The following ETV6 variants were observed in gnomAD, a reference collection of about 807,000 sequenced individuals.
ETV6 encodes ETS variant transcription factor 6.
A neutral mutation model predicts 51.1 loss-of-function variants in ETV6; 16 were observed. The ratio of observed to expected loss-of-function variants is 0.31; its 90% CI spans 0.21 to 0.48. The LOEUF (loss-of-function observed/expected upper bound fraction) is 0.48. Ranked by LOEUF, ETV6 falls within the 20% of genes least tolerant of loss-of-function variation. ETV6 has a pLI of 0.99. For missense variants in ETV6, 458 were observed against 594.8 expected, an observed-to-expected ratio of 0.77 and a Z score of 2.39; for synonymous variants, 240 against 224.1, an observed-to-expected ratio of 1.07 and a Z score of -0.64.
intron 2 of ETV6, among the ~76,000 whole-genome samples, chr12:11,804,228 C>T (rs1340281160): frequency 6.6e-6 from 1 of 152,164 alleles, no homozygotes; most frequent in Non-Finnish European, 1.5e-5. Context: ...CCAAGGAATT[C>T]ACACTAGCCA....
At position 11,891,038 on chromosome 12, in the gene ETV6, G is replaced by T; in HGVS notation, c.1351G>T (p.Glu451Ter). The T allele has an allele frequency of 6.2e-7, 1 of 1,612,702 alleles. No homozygotes were observed. Among genetic ancestry groups the T allele is most frequent in the Non-Finnish European group, 8.5e-7 (1 of 1,178,882 alleles). The change falls in exon 8 of 8, where the codon GAA becomes TAA. Residue 451 changes from glutamate to a stop codon, truncating the protein, a stop_gained. Coordinates refer to ENST00000396373, the MANE Select transcript of ETV6 (RefSeq NM_001987.5). LOFTEE classifies it high-confidence loss of function. Reference sequence around the variant, plus strand: ...GGATGAACAAATATACCAAGAAGATGAATGCTGAAGGAACCAACAGTCCAC... The same window carrying T: ...GGATGAACAAATATACCAAGAAGATTAATGCTGAAGGAACCAACAGTCCAC... ...ELDEQIYQED[E>*]C is the part of the protein sequence containing the mutation.
chr12:11,802,752 T>C (rs778677101), intron 2 of ETV6, among the ~76,000 whole-genome samples: 1 of 152,222 alleles, frequency 6.6e-6, no homozygotes. Context: ...AGATAATTAC[T>C]CCTAAATCAT....
At chr12:11,657,291 G>A (rs549052538) in intron 1 of ETV6, among the ~76,000 whole-genome samples, 1 of 152,302 alleles carries the variant, frequency 6.6e-6, no homozygotes, top group African/African-American at 2.4e-5. Context: ...CAGAATCAGT[G>A]TTCCATCCTA....
chr12:11,687,119 T>G (rs1021961691), intron 1 of ETV6, among the ~76,000 whole-genome samples: 2 of 152,022 alleles, frequency 1.3e-5, no homozygotes, highest in Non-Finnish European at 2.9e-5. Flanking sequence ...ACTCCTGACC[T>G]CAAATGATCT....
chr12:11,714,286 A>G (rs145940505), intron 1 of ETV6, among the ~76,000 whole-genome samples: 65 of 152,350 alleles, frequency 4.3e-4, no homozygotes, highest in African/African-American at 1.5e-3. Flanking sequence ...TTCTGGGCAC[A>G]GATATAACGG....
At chr12:11,796,779 T>G (rs76119502) in intron 2 of ETV6, among the ~76,000 whole-genome samples, 10,459 of 141,004 alleles carry the variant, frequency 0.074, 801 homozygotes, top group African/African-American at 0.19. Context: ...TTTTTTTTTT[T>G]TGTGTGTGTG....
At chr12:11,683,052 G>A (rs989883088) in intron 1 of ETV6, among the ~76,000 whole-genome samples, 1 of 152,186 alleles carries the variant, frequency 6.6e-6, no homozygotes, top group Non-Finnish European at 1.5e-5. Context: ...AATTCAAACT[G>A]GACATGAACA....
rs2136541247 is a variant in ETV6 at position 11,869,846 on chromosome 12, G to A, written c.886G>A (p.Gly296Arg). The change falls in exon 5 of 8, where the codon GGG (glycine) becomes AGG (arginine). Residue 296 changes from glycine (G) to arginine (R), a missense_variant. Physicochemically the swap from Gly to Arg is moderately radical, Grantham distance 125. Around this residue, in one of 4 missense-constraint regions of ETV6, gnomAD observed 293 missense variants for 315.7 expected, o/e 0.93. Coordinates refer to ENST00000396373, the MANE Select transcript of ETV6 (RefSeq NM_001987.5). The surrounding 1 kb of genome is among the most constrained non-coding windows in gnomAD (Gnocchi z 5.0). ...CAAACAGTCCAGGCTCTCCGAGGAC[G>A]GGCTGCATAGGGAAGGGAAGCCCAT... ...DFKQSRLSED[G>R]LHREGKPINL... 1 of 1,613,250 alleles carries A rather than the reference G, an allele frequency of 6.2e-7. No individual in the cohort carries two copies. The highest frequency in any genetic ancestry group is 1.1e-5 in the South Asian group (1 of 91,084).
rs1565546152 is a variant in ETV6, at chr12:11,839,276, G to A, written c.300G>A (p.Glu100=). The change falls in exon 3 of 8, where the codon GAG becomes GAA. Residue 100 remains glutamate (E), a synonymous_variant. Transcript: ENST00000396373. ...NGKALLLLTK[E]DFRYRSPHSG... ...AAGCTCTCCTGCTGCTGACCAAAGAGGACTTTCGCTATCGATCTCCTCATT... is the reference window on the plus strand; with the variant it reads ...AAGCTCTCCTGCTGCTGACCAAAGAAGACTTTCGCTATCGATCTCCTCATT... 1 of 1,614,042 alleles carries A rather than the reference G, an allele frequency of 6.2e-7. No homozygotes were observed. Among genetic ancestry groups the A allele is most frequent in the Admixed American group, 1.7e-5 (1 of 60,012 alleles).
At chr12:11,705,674 A>G (rs537228375) in intron 1 of ETV6, among the ~76,000 whole-genome samples, 1 of 152,240 alleles carries the variant, frequency 6.6e-6, no homozygotes, top group Non-Finnish European at 1.5e-5. Context: ...AGAAAACATA[A>G]TAAAAACAGC....
intron 2 of ETV6, among the ~76,000 whole-genome samples, chr12:11,810,072 A>G (rs1366681485): frequency 3.3e-5 from 5 of 151,496 alleles, no homozygotes; most frequent in Admixed American, 6.6e-5. Context: ...GCCCACTTCA[A>G]CCTCCCAAAG....
chr12:11,768,658 A>T (rs1383976781), intron 2 of ETV6, among the ~76,000 whole-genome samples: 1 of 152,240 alleles, frequency 6.6e-6, no homozygotes, highest in East Asian at 1.9e-4. Flanking sequence ...CGAAATGGCA[A>T]AAAAGCCTGC....
chr12:11,777,677 A>G (rs566564840), intron 2 of ETV6, among the ~76,000 whole-genome samples: 3 of 151,960 alleles, frequency 2.0e-5, no homozygotes, highest in African/African-American at 4.8e-5. Context: ...CCCATTTCCC[A>G]TGCTGATCAC....
chr12:11,717,560 C>T (rs1161850500), intron 1 of ETV6, among the ~76,000 whole-genome samples: 3 of 152,174 alleles, frequency 2.0e-5, no homozygotes, highest in Non-Finnish European at 4.4e-5. Flanking sequence ...AACATCCGTC[C>T]ATCTCTAGCT....
chr12:11,859,028 C>T (rs1946672485), intron 4 of ETV6, among the ~76,000 whole-genome samples: 1 of 151,254 alleles, frequency 6.6e-6, no homozygotes, highest in South Asian at 2.1e-4. Flanking sequence ...TGCCCCACCA[C>T]CAAACCCAAG....
intron 1 of ETV6, among the ~76,000 whole-genome samples, chr12:11,675,007 C>T (rs1049286315): frequency 1.3e-5 from 2 of 152,248 alleles, no homozygotes; most frequent in Admixed American, 6.5e-5. Context: ...GAAGGTACAG[C>T]CAGGCCCTCC....
At chr12:11,821,178 C>T (rs986245729) in intron 2 of ETV6, among the ~76,000 whole-genome samples, 7 of 151,072 alleles carry the variant, frequency 4.6e-5, no homozygotes, top group Admixed American at 3.3e-4. Context: ...CTGGCTAACA[C>T]GGCAAAACCC....
chr12:11,870,032 C>G, intron 5 of ETV6, 63 bp downstream of exon 5: 2 of 1,530,356 alleles, frequency 1.3e-6, no homozygotes. Flanking sequence ...CCACTCTCCC[C>G]TGTGATCTTT....
chr12:11,890,655 G>A (rs1350687536), intron 7 of ETV6, among the ~76,000 whole-genome samples: 1 of 151,760 alleles, frequency 6.6e-6, no homozygotes, highest in Non-Finnish European at 1.5e-5. Flanking sequence ...AAACTCCTAG[G>A]TTCAAGTTAT....
Sources: allele counts gnomAD v4.1 joint callset (sites outside exome capture counted in the v4.1 genomes callset), GRCh38; gene constraint gnomAD v4.1.1; regional missense constraint gnomAD v4.1.1; non-coding constraint Gnocchi (gnomAD v3.1); transcripts MANE v1.5; gene names NCBI Gene and HGNC (gene_info 2026-07-23, HGNC 2026-07-21).